Variants in ZDHHC14 observed in about 807,000 individuals in gnomAD.
The protein encoded by ZDHHC14 is palmitoyltransferase ZDHHC14.
A neutral mutation model predicts 47.7 loss-of-function variants in ZDHHC14; 16 were observed. The observed-to-expected ratio is 0.34, with a 90% CI of 0.23 to 0.51. The LOEUF (loss-of-function observed/expected upper bound fraction) is 0.51, where lower values mean the gene tolerates loss of function less well. Ranked by LOEUF, ZDHHC14 falls within the 20% of genes least tolerant of loss-of-function variation. The pLI, the probability that ZDHHC14 is intolerant of heterozygous loss-of-function variation, is 0.97. For synonymous variants in ZDHHC14, 293 were observed against 278.9 expected, an observed-to-expected ratio of 1.05 and a Z score of -0.50; for missense variants, 515 against 662.5, an observed-to-expected ratio of 0.78 and a Z score of 2.44.
chr6:157,595,774 C>G (rs1175774788), intron 3 of ZDHHC14, among the ~76,000 whole-genome samples: 1 of 152,256 alleles, frequency 6.6e-6, no homozygotes, highest in East Asian at 1.9e-4. Flanking sequence ...AGCCGTGAAC[C>G]TAGGAGCCAC....
chr6:157,529,088 G>C (rs1293131140), intron 1 of ZDHHC14: 1 of 154,700 alleles, frequency 6.5e-6, no homozygotes, highest in Non-Finnish European at 1.5e-5. Flanking sequence ...CAGACTTCCA[G>C]TTTTACTCAG....
At chr6:157,503,408 C>T (rs767629004) in intron 1 of ZDHHC14, among the ~76,000 whole-genome samples, 2 of 152,172 alleles carry the variant, frequency 1.3e-5, no homozygotes, top group African/African-American at 4.8e-5. Flanking sequence ...CTTACATCTC[C>T]GCTCCTGAAC....
At chr6:157,571,334 A>G (rs892782818) in intron 2 of ZDHHC14, among the ~76,000 whole-genome samples, 2 of 152,208 alleles carry the variant, frequency 1.3e-5, no homozygotes, top group Non-Finnish European at 2.9e-5. Flanking sequence ...TGCCTCCTGG[A>G]GCCCAGGCAA....
intron 1 of ZDHHC14, among the ~76,000 whole-genome samples, chr6:157,417,785 T>A (rs1198184233): frequency 6.6e-6 from 1 of 152,066 alleles, no homozygotes; most frequent in East Asian, 1.9e-4. Flanking sequence ...AAACCCCGTC[T>A]CTACTAAAAA....
chr6:157,638,085 G>A (rs1319175016), intron 5 of ZDHHC14, among the ~76,000 whole-genome samples: 1 of 152,132 alleles, frequency 6.6e-6, no homozygotes, highest in Non-Finnish European at 1.5e-5. Flanking sequence ...GGGAGAGGGA[G>A]GGAGGAGAGG....
intron 2 of ZDHHC14, among the ~76,000 whole-genome samples, chr6:157,561,087 G>C (rs1383762706): frequency 6.6e-6 from 1 of 152,238 alleles, no homozygotes; most frequent in East Asian, 1.9e-4. Context: ...CTCAGAGCGT[G>C]GGGGTGTTAG....
intron 5 of ZDHHC14, among the ~76,000 whole-genome samples, chr6:157,637,089 T>G (rs1777024089): frequency 2.0e-5 from 3 of 152,212 alleles, no homozygotes; most frequent in Admixed American, 1.3e-4. Context: ...TGTGTGTTTT[T>G]GAAAAAACAT....
At chr6:157,600,091 T>C (rs532128051) in intron 3 of ZDHHC14, among the ~76,000 whole-genome samples, 1 of 152,336 alleles carries the variant, frequency 6.6e-6, no homozygotes, top group South Asian at 2.1e-4. Flanking sequence ...CTTCCTATGT[T>C]CTGAGTAGTG....
At chr6:157,392,668 T>TGC (rs1037726981) in intron 1 of ZDHHC14, among the ~76,000 whole-genome samples, 2 of 151,798 alleles carry the variant, frequency 1.3e-5, no homozygotes, top group Non-Finnish European at 2.9e-5. Context: ...TGTGTGTGTG[T>TGC]GTGTGTTCAT....
At chr6:157,465,681 A>C (rs1476215302) in intron 1 of ZDHHC14, among the ~76,000 whole-genome samples, 1 of 151,916 alleles carries the variant, frequency 6.6e-6, no homozygotes, top group Admixed American at 6.5e-5. Flanking sequence ...ACGTACCAGG[A>C]GATTCTACCC....
chr6:157,626,628 T>C (rs995704190), intron 3 of ZDHHC14, among the ~76,000 whole-genome samples: 1 of 152,052 alleles, frequency 6.6e-6, no homozygotes, highest in South Asian at 2.1e-4. Flanking sequence ...TCTCCCATCA[T>C]AGTGGATAAA....
intron 1 of ZDHHC14, among the ~76,000 whole-genome samples, chr6:157,435,453 T>C (rs372931520): frequency 8.5e-5 from 13 of 152,358 alleles, no homozygotes; most frequent in African/African-American, 3.1e-4. Flanking sequence ...TATGCAGATG[T>C]GTGCCTCTTA....
chr6:157,578,036 TG>T (rs1298873911), intron 2 of ZDHHC14, among the ~76,000 whole-genome samples: 8 of 145,404 alleles, frequency 5.5e-5, no homozygotes, highest in African/African-American at 1.1e-4. Context: ...CACTTTTTAA[TG>T]GGGTTGTTTT....
Position 157,385,399 on chromosome 6 carries a change from T to C in ZDHHC14, c.245+3133T>C, listed in dbSNP as rs142194406. Among the ~76,000 whole-genome samples the C allele has an allele frequency of 5.9e-4, 90 of 152,382 alleles. No individual in the cohort carries two copies. In the East Asian group the frequency reaches 0.016, roughly 27 times the overall value. On this transcript the variant is annotated intron_variant, in intron 1 of 8. Coordinates refer to ENST00000359775, the MANE Select transcript of ZDHHC14 (RefSeq NM_024630.3). ...CACCTGGCTATCATGTCTAGATAGCTTTTAATATTAGTAAACTTCATTGTC... is the reference window on the plus strand; with the variant it reads ...CACCTGGCTATCATGTCTAGATAGCCTTTAATATTAGTAAACTTCATTGTC...
rs1165790226 is a variant in ZDHHC14, at chr6:157,381,251, C to T, written c.-771C>T. The stretch of plus-strand genomic sequence containing the variant: ...GGCCCTCCTCGCGCCGGGGCCGCTT[C>T]CTCCGGGTAGGAGGGAGCAAGGGAG... On this transcript the variant is annotated 5_prime_UTR_variant, in exon 1 of 9. Coordinates refer to ENST00000359775, the MANE Select transcript of ZDHHC14 (RefSeq NM_024630.3). The T allele has an allele frequency of 1.3e-5, 2 of 151,364 alleles. No homozygotes were observed. Among genetic ancestry groups the T allele is most frequent in the African/African-American group, 2.4e-5 (1 of 41,194 alleles). 9.4% of individuals were successfully genotyped at this position (151,364 alleles called of 1,614,324 possible).
At chr6:157,508,187 A>G (rs182794207) in intron 1 of ZDHHC14, among the ~76,000 whole-genome samples, 160 of 152,284 alleles carry the variant, frequency 1.1e-3, no homozygotes, top group African/African-American at 3.5e-3. Context: ...TCAAATGATG[A>G]TCAATCATTG....
chr6:157,386,877 A>G (rs1368423849), intron 1 of ZDHHC14, among the ~76,000 whole-genome samples: 1 of 152,190 alleles, frequency 6.6e-6, no homozygotes, highest in African/African-American at 2.4e-5. Flanking sequence ...TACAGTTGTA[A>G]TTTTTAAAAT....
intron 1 of ZDHHC14, among the ~76,000 whole-genome samples, chr6:157,408,380 T>G (rs1012619115): frequency 6.6e-6 from 1 of 152,100 alleles, no homozygotes; most frequent in Non-Finnish European, 1.5e-5. Flanking sequence ...CCGTGGTGGT[T>G]TGCTGGACAG....
intron 1 of ZDHHC14, among the ~76,000 whole-genome samples, chr6:157,539,328 C>T (rs941099329): frequency 4.6e-5 from 7 of 152,118 alleles, no homozygotes; most frequent in African/African-American, 1.4e-4. Flanking sequence ...TCTTGAGCCC[C>T]AGGAGTTCAA....
Sources: allele counts gnomAD v4.1 joint callset (sites outside exome capture counted in the v4.1 genomes callset), GRCh38; gene constraint gnomAD v4.1.1; transcripts MANE v1.5; gene names NCBI Gene and HGNC (gene_info 2026-07-23, HGNC 2026-07-21).